Variants in NRXN3 observed in about 807,000 individuals in gnomAD.
NRXN3 encodes the protein neurexin 3.
Under a neutral mutation model 137.6 loss-of-function variants are expected in NRXN3, and 32 were observed. The observed-to-expected ratio is 0.23, with a 90% CI of 0.18 to 0.31. NRXN3 has a LOEUF of 0.31. Ranked by LOEUF, NRXN3 falls within the 10% of genes least tolerant of loss-of-function variation. The pLI, the probability that NRXN3 is intolerant of heterozygous loss-of-function variation, is 1.00. For missense variants in NRXN3, 1,574 were observed against 2,062.5 expected (o/e 0.76, Z 4.59); for synonymous variants, 798 against 784.5 (o/e 1.02, Z -0.29).
At chr14:78,600,681 C>T (rs2097195114) in intron 4 of NRXN3, among the ~76,000 whole-genome samples, 1 of 152,174 alleles carries the variant, frequency 6.6e-6, no homozygotes, top group Non-Finnish European at 1.5e-5. Context: ...GCCTCAACTC[C>T]AAATTGGCAG....
intron 10 of NRXN3, among the ~76,000 whole-genome samples, chr14:78,926,008 T>G (rs2099288785): frequency 6.6e-6 from 1 of 152,224 alleles, no homozygotes; most frequent in African/African-American, 2.4e-5. Context: ...ATTATTACAG[T>G]TGTTATAATT....
chr14:79,316,151 A>G (rs528281250), intron 15 of NRXN3, among the ~76,000 whole-genome samples: 1 of 152,352 alleles, frequency 6.6e-6, no homozygotes, highest in South Asian at 2.1e-4. Context: ...AGACAGGAAC[A>G]TGATTGAGAA....
At chr14:78,647,336 G>C (rs571409099) in intron 5 of NRXN3, among the ~76,000 whole-genome samples, 4 of 152,288 alleles carry the variant, frequency 2.6e-5, no homozygotes, top group Non-Finnish European at 5.9e-5. Flanking sequence ...TGTGCCCTTG[G>C]GCAAGCCATT....
chr14:79,208,393 A>G (rs1279719848), intron 15 of NRXN3, among the ~76,000 whole-genome samples: 1 of 152,188 alleles, frequency 6.6e-6, no homozygotes, highest in Non-Finnish European at 1.5e-5. Flanking sequence ...GAACATCTGT[A>G]CCCCAATTTT....
At chr14:78,868,003 C>CATATATAAATTTATTATAAATTT (rs2099091626) in intron 10 of NRXN3, among the ~76,000 whole-genome samples, 3 of 146,440 alleles carry the variant, frequency 2.0e-5, no homozygotes, top group South Asian at 2.1e-4. Context: ...AATTTTAAAT[C>CATATATAAATTTATTATAAATTT]ATATATAAAT....
intron 4 of NRXN3, among the ~76,000 whole-genome samples, chr14:78,476,560 A>G (rs1361449131): frequency 1.3e-5 from 2 of 152,166 alleles, no homozygotes; most frequent in Non-Finnish European, 2.9e-5. Context: ...TTTCATATAT[A>G]TGACCTGGGG....
intron 15 of NRXN3, among the ~76,000 whole-genome samples, chr14:79,007,986 T>C (rs144863008): frequency 1.8e-4 from 28 of 152,146 alleles, no homozygotes; most frequent in African/African-American, 6.7e-4. Flanking sequence ...CTCTGTCAAG[T>C]GGCTCAAGCA....
chr14:79,265,635 C>G (rs184953231), intron 15 of NRXN3, among the ~76,000 whole-genome samples: 1 of 152,140 alleles, frequency 6.6e-6, no homozygotes, highest in Non-Finnish European at 1.5e-5. Context: ...GTCCTTTCAT[C>G]CTTTTTTGCT....
At position 79,778,043 on chromosome 14, in the gene NRXN3, A is replaced by G. The variant is rs531585468; in HGVS notation, c.4015-27069A>G. Among the ~76,000 whole-genome samples the G allele has an allele frequency of 7.9e-5, 12 of 152,292 alleles. 1 individual carries two copies. In the South Asian group the frequency reaches 2.1e-3, roughly 26 times the overall value. ...CCTTTCTACTGACTGCCCCACTTCA[A>G]TTTGGCACATACACCCTTTAACCAG... On this transcript the variant is annotated intron_variant, in intron 19 of 20. Transcript: ENST00000335750.
In NRXN3 at chr14:78,278,672, T is replaced by G. The variant is rs1036198630; in HGVS notation, c.727+10T>G. The G allele has an allele frequency of 2.2e-5, 34 of 1,534,822 alleles. No homozygotes were observed. In the Admixed American group the frequency reaches 3.9e-4, roughly 18 times the overall value. ...GTCAGTCAAGATCCAGGTGAGTCTTTGTGTTTGCACAGCTGCTGTGGGAAT... is the reference window on the plus strand; with the variant it reads ...GTCAGTCAAGATCCAGGTGAGTCTTGGTGTTTGCACAGCTGCTGTGGGAAT... On this transcript the variant is annotated intron_variant, in intron 3 of 20. Transcript: ENST00000335750.
intron 16 of NRXN3, among the ~76,000 whole-genome samples, chr14:79,600,699 G>T (rs1424384297): frequency 6.6e-6 from 1 of 152,092 alleles, no homozygotes; most frequent in Non-Finnish European, 1.5e-5. Context: ...AGATTCCCAA[G>T]TCCCCTGGCA....
chr14:79,752,902 G>A (rs1327238909), intron 19 of NRXN3, among the ~76,000 whole-genome samples: 8 of 152,138 alleles, frequency 5.3e-5, no homozygotes, highest in South Asian at 2.1e-4. Context: ...ATGGAAAAGT[G>A]GGCAAAGGAT....
intron 15 of NRXN3, among the ~76,000 whole-genome samples, chr14:79,265,238 T>C (rs2078281677): frequency 6.7e-6 from 1 of 149,432 alleles, no homozygotes; most frequent in East Asian, 1.9e-4. Context: ...GCTCTTTTTT[T>C]TTTTTTTTTT....
chr14:79,495,959 AC>A (rs1382798499), intron 16 of NRXN3, among the ~76,000 whole-genome samples: 1 of 151,442 alleles, frequency 6.6e-6, no homozygotes, highest in Non-Finnish European at 1.5e-5. Context: ...AAAAAAAAAA[AC>A]AAAAAACAAA....
intron 10 of NRXN3, among the ~76,000 whole-genome samples, chr14:78,814,611 C>T (rs552595473): frequency 6.6e-6 from 1 of 152,244 alleles, no homozygotes; most frequent in African/African-American, 2.4e-5. Context: ...GAGACTCCAT[C>T]TCAAAAACAA....
At chr14:78,201,341 G>A in intron 1 of NRXN3, among the ~76,000 whole-genome samples, 1 of 152,146 alleles carries the variant, frequency 6.6e-6, no homozygotes, top group East Asian at 1.9e-4. Context: ...TCTACAAAAG[G>A]GCAGGCCCCT....
chr14:78,897,717 G>T (rs370885988), intron 10 of NRXN3, among the ~76,000 whole-genome samples: 1 of 151,868 alleles, frequency 6.6e-6, no homozygotes, highest in East Asian at 1.9e-4. Context: ...CAAGTAATGC[G>T]TAGGGAGCTT....
chr14:79,227,808 CCCTCCCTTCCTCCCTT>C (rs1555879167), intron 15 of NRXN3, among the ~76,000 whole-genome samples: 1 of 79,168 alleles, frequency 1.3e-5, no homozygotes, highest in African/African-American at 4.4e-5. Flanking sequence ...CTCCCTTCCT[CCCTCCCTTCCTCCCTT>C]CCTCCCTTCC....
intron 15 of NRXN3, among the ~76,000 whole-genome samples, chr14:79,450,175 G>C (rs574284459): frequency 7.2e-5 from 11 of 152,080 alleles, no homozygotes; most frequent in Admixed American, 2.0e-4. Flanking sequence ...TTAAGTGACA[G>C]AGTGCAAATG....
Sources: gnomAD v4.1 joint callset for allele counts (sites outside exome capture counted in the v4.1 genomes callset) on GRCh38, gnomAD v4.1.1 for gene constraint, MANE v1.5 for transcripts, NCBI Gene and HGNC (gene_info 2026-07-23, HGNC 2026-07-21) for gene names.